The following OPCML variants were observed in gnomAD, a reference collection of about 807,000 sequenced individuals.
OPCML encodes opioid-binding protein/cell adhesion molecule.
In OPCML, 13 loss-of-function variants were observed where a neutral mutation model predicts 37.8. The ratio of observed to expected loss-of-function variants is 0.34; its 90% CI spans 0.22 to 0.55. The LOEUF (loss-of-function observed/expected upper bound fraction) is 0.55. Among genes scored for constraint, OPCML ranks in the 20% least tolerant of loss-of-function variants. The pLI is 0.91. For synonymous variants in OPCML, 176 were observed against 168.8 expected (o/e 1.04, Z -0.33); for missense variants, 341 against 435.6 (o/e 0.78, Z 1.93).
rs182234959 is a variant in OPCML, at chr11:132,684,116, C to T, written c.147-26797G>A. Among the ~76,000 whole-genome samples the T allele has an allele frequency of 1.4e-4, 22 of 152,232 alleles. No homozygotes were observed. In the East Asian group the frequency reaches 1.7e-3, roughly 12 times the overall value. ...GAGCAGTTCTAGGCTACACGATAATCGCTGATGAACTGAGAGATTAAAACT... is the reference window on the plus strand; with the variant it reads ...GAGCAGTTCTAGGCTACACGATAATTGCTGATGAACTGAGAGATTAAAACT... On this transcript the variant is annotated intron_variant, in intron 2 of 7. Transcript: ENST00000524381.
chr11:133,444,651 C>A (rs992139997), intron 1 of OPCML, among the ~76,000 whole-genome samples: 1 of 152,092 alleles, frequency 6.6e-6, no homozygotes, highest in Non-Finnish European at 1.5e-5. Context: ...AACAAAATAT[C>A]GTAATCAATA....
intron 4 of OPCML, among the ~76,000 whole-genome samples, chr11:132,524,932 C>A (rs535141686): frequency 2.6e-4 from 39 of 152,262 alleles, no homozygotes; most frequent in African/African-American, 9.1e-4. Context: ...AGGGGTTCCC[C>A]AGAAACATCA....
At chr11:132,444,732 C>T (rs1323262495) in intron 4 of OPCML, among the ~76,000 whole-genome samples, 1 of 152,042 alleles carries the variant, frequency 6.6e-6, no homozygotes, top group East Asian at 1.9e-4. Context: ...CAACTCCGTC[C>T]CCCGCCCCAA....
intron 3 of OPCML, among the ~76,000 whole-genome samples, chr11:132,648,560 C>T (rs1166204142): frequency 6.6e-6 from 1 of 150,782 alleles, no homozygotes; most frequent in Non-Finnish European, 1.5e-5. Flanking sequence ...TGCTCTGTCA[C>T]CCAGGCTGGA....
intron 1 of OPCML, among the ~76,000 whole-genome samples, chr11:133,427,576 G>A (rs1946029163): frequency 6.6e-6 from 1 of 151,828 alleles, no homozygotes; most frequent in Non-Finnish European, 1.5e-5. Context: ...ATAAAAATGA[G>A]CAGAACTGGA....
intron 3 of OPCML, among the ~76,000 whole-genome samples, chr11:132,583,187 A>T (rs1460091917): frequency 2.0e-5 from 3 of 151,944 alleles, no homozygotes; most frequent in African/African-American, 7.2e-5. Context: ...TCAGCCTCCC[A>T]AGTATCTGGG....
chr11:133,008,522 G>A (rs2136867871), intron 1 of OPCML: 2 of 771,000 alleles, frequency 2.6e-6, no homozygotes, highest in African/African-American at 3.8e-5. Context: ...AATATTCGCT[G>A]TGGAAGGCTC....
intron 2 of OPCML, among the ~76,000 whole-genome samples, chr11:132,821,738 C>T (rs1939998561): frequency 6.6e-6 from 1 of 152,060 alleles, no homozygotes; most frequent in South Asian, 2.1e-4. Flanking sequence ...AGGTATCTTC[C>T]CCCCTCTTTC....
chr11:133,053,628 C>T (rs1317443706), intron 1 of OPCML, among the ~76,000 whole-genome samples: 1 of 152,214 alleles, frequency 6.6e-6, no homozygotes, highest in Non-Finnish European at 1.5e-5. Flanking sequence ...ACTCCTTCTT[C>T]CTCTTGAAGC....
chr11:133,429,908 G>T (rs546639776), intron 1 of OPCML, among the ~76,000 whole-genome samples: 1 of 152,136 alleles, frequency 6.6e-6, no homozygotes, highest in East Asian at 1.9e-4. Flanking sequence ...CACAGACTAC[G>T]ATCATAGACC....
chr11:133,351,658 C>T (rs945012641), intron 1 of OPCML, among the ~76,000 whole-genome samples: 99 of 152,132 alleles, frequency 6.5e-4, no homozygotes, highest in Non-Finnish European at 9.0e-4. Context: ...GTTTTAAATG[C>T]CATTTGTAAC....
At chr11:133,440,814 G>A (rs1334900792) in intron 1 of OPCML, among the ~76,000 whole-genome samples, 4 of 138,234 alleles carry the variant, frequency 2.9e-5, no homozygotes, top group African/African-American at 8.6e-5. Context: ...GTGTGTATGT[G>A]TATATATATA....
chr11:133,092,597 G>C (rs1034375634), intron 1 of OPCML, among the ~76,000 whole-genome samples: 2 of 151,970 alleles, frequency 1.3e-5, no homozygotes, highest in South Asian at 2.1e-4. Flanking sequence ...ATGGTGGCGC[G>C]CACCTGTAGT....
rs999045652 is a variant in OPCML at position 132,943,310 on chromosome 11, C to T, written c.62-300G>A. ...TTCCAGCCTAGCAGAACCAGATGCC[C>T]CCTCCTGCATCCAAAAAGAGCTTTC... On this transcript the variant is annotated intron_variant, in intron 1 of 7. Transcript: ENST00000524381. This position sits in a 1 kb window ranked among gnomAD's most constrained non-coding sequence, Gnocchi z 4.3. The T allele has an allele frequency of 1.5e-6, 1 of 658,966 alleles. No individual in the cohort carries two copies. The allele number at this position is 658,966 out of a possible 1,614,324, so 40.8% of individuals were successfully genotyped here.
At chr11:133,237,227 A>G (rs538404230) in intron 1 of OPCML, among the ~76,000 whole-genome samples, 2 of 152,328 alleles carry the variant, frequency 1.3e-5, no homozygotes, top group South Asian at 4.1e-4. Context: ...CAACATTTAG[A>G]AAGGTTGTGC....
rs1031462492 is a variant in OPCML, at chr11:133,349,416, C to G, written c.61+182848G>C. On this transcript the variant is annotated intron_variant, in intron 1 of 7. Transcript: ENST00000524381. ...AATTCCTCAGGTATTGTGGGAAGTA[C>G]CTGAACCAGGTAGTTCCATTTTAAA... Among the ~76,000 whole-genome samples the G allele has an allele frequency of 2.6e-5, 4 of 152,100 alleles. No individual in the cohort carries two copies. In the South Asian group the frequency reaches 8.3e-4, roughly 32 times the overall value.
intron 1 of OPCML, among the ~76,000 whole-genome samples, chr11:133,345,762 A>G (rs2136680428): frequency 6.6e-6 from 1 of 152,328 alleles, no homozygotes; most frequent in East Asian, 1.9e-4. Context: ...TTCTAGTGGT[A>G]TCTTCTAGGC....
At chr11:132,920,935 C>A (rs1483745745) in intron 2 of OPCML, among the ~76,000 whole-genome samples, 1 of 152,164 alleles carries the variant, frequency 6.6e-6, no homozygotes, top group Non-Finnish European at 1.5e-5. Flanking sequence ...CCAGCCAGTC[C>A]CTTCCTGCAC....
intron 1 of OPCML, among the ~76,000 whole-genome samples, chr11:133,337,456 G>T (rs1039626012): frequency 6.6e-6 from 1 of 152,306 alleles, no homozygotes; most frequent in East Asian, 1.9e-4. Context: ...CCGCTGCAGG[G>T]CCAGTAACAA....
Sources: gnomAD v4.1 joint callset for allele counts (sites outside exome capture counted in the v4.1 genomes callset) on GRCh38, gnomAD v4.1.1 for gene constraint, Gnocchi (gnomAD v3.1) non-coding constraint, MANE v1.5 for transcripts, NCBI Gene and HGNC (gene_info 2026-07-23, HGNC 2026-07-21) for gene names.